The following DNASE1 variants were observed in gnomAD, a reference collection of about 807,000 sequenced individuals.
DNASE1 encodes the protein deoxyribonuclease-1.
A neutral mutation model predicts 33.9 loss-of-function variants in DNASE1; 40 were observed. The observed-to-expected ratio is 1.18, with a 90% CI of 0.92 to 1.54. The LOEUF (loss-of-function observed/expected upper bound fraction) is 1.54, where lower values mean the gene tolerates loss of function less well. DNASE1 is among the 40% of genes most tolerant of loss of function. The pLI, the probability that DNASE1 is intolerant of heterozygous loss-of-function variation, is 0.00. For missense variants in DNASE1, 518 were observed against 372.6 expected (o/e 1.39, Z -3.21); for synonymous variants, 216 against 160.0 (o/e 1.35, Z -2.64).
chr16:3,622,432 T>A (rs1390966268), intron 1 of DNASE1, among the ~76,000 whole-genome samples: 1 of 152,216 alleles, frequency 6.6e-6, no homozygotes, highest in Non-Finnish European at 1.5e-5. Context: ...CTTGTTTACC[T>A]ATGACCTTAT....
rs375948455 is a variant in DNASE1, at chr16:3,664,378, G to A, written c.*6425G>A. 52 of 1,612,572 alleles carry A rather than the reference G, an allele frequency of 3.2e-5. 1 individual carries two copies. The highest frequency in any genetic ancestry group is 3.3e-4 in the Middle Eastern group (2 of 6,074). ...ATGTTGCGGGTGCCGGCCCGCATGC[G>A]GCTGGCGTATTCTGAGAGGCTGGTT... is the stretch of plus-strand genomic sequence containing the variant. On this transcript the variant is annotated 3_prime_UTR_variant, in exon 10 of 10. Coordinates refer to the DNASE1 transcript ENST00000407479.
At chr16:3,655,268 C>G in intron 1 of DNASE1, 105 bp from the exon 2 acceptor site, 2 of 1,526,256 alleles carry the variant, frequency 1.3e-6, no homozygotes, top group Non-Finnish European at 8.9e-7. Flanking sequence ...TCCCCCTGAC[C>G]TTGAGCTCCA....
chr16:3,653,441 C>G (rs545594337), upstream of DNASE1: 82 of 152,244 alleles, frequency 5.4e-4, no homozygotes, highest in African/African-American at 1.9e-3. Context: ...GGTGCGGTGG[C>G]TCACACTTGT....
At chr16:3,663,262 G>A (rs1324712482) in exon 10 of DNASE1, 22 of 909,910 alleles carry the variant, frequency 2.4e-5, no homozygotes, top group Non-Finnish European at 3.2e-5. Context: ...AAACCAGGAG[G>A]CACCTTCCTC....
intron 1 of DNASE1, among the ~76,000 whole-genome samples, chr16:3,619,896 A>C (rs75361547): frequency 0.055 from 8,313 of 151,836 alleles, 275 homozygotes; most frequent in Admixed American, 0.074. Flanking sequence ...AATATAACGA[A>C]AATTCATATG....
chr16:3,641,760 C>T (rs1394691961), upstream of DNASE1, among the ~76,000 whole-genome samples: 1 of 152,146 alleles, frequency 6.6e-6, no homozygotes, highest in African/African-American at 2.4e-5. Context: ...CCATGGCCTC[C>T]CACACCCTGG....
Position 3,657,037 on chromosome 16 carries a change from C to A in DNASE1, c.475C>A (p.Pro159Thr). 1 of 1,613,696 alleles carries A rather than the reference C, an allele frequency of 6.2e-7. No homozygotes were observed. The change falls in exon 6 of 9, where the codon CCG (proline) becomes ACG (threonine). Residue 159 changes from proline to threonine, a missense_variant. Coordinates refer to ENST00000246949, the MANE Select transcript of DNASE1 (RefSeq NM_005223.4). ...EFAIVPLHAA[P>T]GDAVAEIDAL... ...TGCCATTGTTCCCCTGCATGCGGCC[C>A]CGGGGGACGCAGTAGCCGAGATCGA...
intron 1 of DNASE1, among the ~76,000 whole-genome samples, chr16:3,619,257 A>G (rs560730349): frequency 6.6e-6 from 1 of 152,278 alleles, no homozygotes; most frequent in Non-Finnish European, 1.5e-5. Context: ...GCTGATCTCA[A>G]ACTCCTGCGC....
At chr16:3,629,952 T>C (rs1203380895) in intron 1 of DNASE1, among the ~76,000 whole-genome samples, 2 of 152,106 alleles carry the variant, frequency 1.3e-5, no homozygotes, top group African/African-American at 4.8e-5. Context: ...TAGCTGGGGC[T>C]ACAGGCACCC....
At chr16:3,626,175 A>C (rs368865772) in intron 1 of DNASE1, among the ~76,000 whole-genome samples, 4 of 152,248 alleles carry the variant, frequency 2.6e-5, no homozygotes, top group South Asian at 4.2e-4. Context: ...GCACAATGAC[A>C]AAGGATTAAT....
At position 3,619,148 on chromosome 16, in the gene DNASE1, C is replaced by T. The variant is rs2041212156; in HGVS notation, c.-1359+7142C>T. 5.3e-5 allele frequency among the ~76,000 whole-genome samples: 8 copies of T among 152,148 alleles called. No individual in the cohort carries two copies. In the South Asian group the frequency reaches 1.5e-3, roughly 28 times the overall value. On this transcript the variant is annotated intron_variant and NMD_transcript_variant, in intron 1 of 11. Transcript: ENST00000570769. ...ATCCCAGGCTCAAGTGATCCTCCTG[C>T]CTCAGCCTCCCTAGTAGCTGGGACT...
chr16:3,664,041 C>T lies in DNASE1; in HGVS notation c.*6088C>T, dbSNP rs1043318065. The T allele has an allele frequency of 4.6e-5, 22 of 475,714 alleles. No homozygotes were observed. The Middle Eastern group carries it at 5.1e-3, about 110-fold the overall frequency. The allele number at this position is 475,714 out of a possible 1,614,324, so 29.5% of individuals were successfully genotyped here. A position where few individuals can be genotyped will look rare whatever the true frequency, so the allele number is the denominator to read the frequency against. ...TCGCACCACTGCACTCTAGCCTGGG[C>T]GAGAGAGCAAGACTCCATCTCAAAA... On this transcript the variant is annotated 3_prime_UTR_variant, in exon 10 of 10. Transcript: ENST00000407479.
Position 3,657,776 on chromosome 16 carries a change from C to A in DNASE1, c.761C>A (p.Pro254His). The A allele has an allele frequency of 1.9e-6, 3 of 1,614,052 alleles. No individual in the cohort carries two copies. Among genetic ancestry groups the A allele is most frequent in the Non-Finnish European group, 2.5e-6 (3 of 1,179,984 alleles). Residue 254 changes from proline (P) to histidine (H), a missense_variant, in exon 8 of 9, where the codon CCC (proline) becomes CAC (histidine). Pro to His is a moderately conservative substitution (Grantham distance 77). Transcript: ENST00000246949. Reference sequence around the variant, plus strand: ...GCCGTTGTTCCCGACTCGGCTCTTCCCTTTAACTTCCAGGCTGCCTATGGC... The same window carrying A: ...GCCGTTGTTCCCGACTCGGCTCTTCACTTTAACTTCCAGGCTGCCTATGGC... Reference protein sequence around the residue: ...RGAVVPDSALPFNFQAAYGLS... With the variant: ...RGAVVPDSALHFNFQAAYGLS...
chr16:3,657,650 G>C, intron 7 of DNASE1, 70 bp from the exon 8 acceptor site: 1 of 1,592,720 alleles, frequency 6.3e-7, no homozygotes. Flanking sequence ...TCTTAGTTTA[G>C]TTCCTGCGGG....
upstream of DNASE1, chr16:3,640,567 G>C: frequency 2.5e-6 from 1 of 396,594 alleles, no homozygotes. Flanking sequence ...TTTTCCAGGT[G>C]TTCAGGGTTC....
intron 8 of DNASE1, 33 bp from the exon 9 acceptor site, chr16:3,657,873 C>G: frequency 1.2e-6 from 2 of 1,614,028 alleles, no homozygotes; most frequent in Non-Finnish European, 1.7e-6. Context: ...CTCAGGTAGG[C>G]TCAGCCCAGA....
chr16:3,662,135 G>C (rs372686543), downstream of DNASE1: 112 of 1,610,734 alleles, frequency 7.0e-5, 1 homozygote, highest in African/African-American at 1.4e-3. Context: ...AGGGTCACCT[G>C]TGAGCAAAGC....
At chr16:3,664,324 G>C (rs765994343) in exon 10 of DNASE1, 2 of 1,612,478 alleles carry the variant, frequency 1.2e-6, no homozygotes, top group Non-Finnish European at 1.7e-6. Flanking sequence ...TGCTCTGCCA[G>C]GTGACGGTTG....
At position 3,657,212 on chromosome 16, in the gene DNASE1, A is replaced by G. The variant is rs146236198; in HGVS notation, c.575A>G (p.Asn192Ser). Residue 192 changes from asparagine to serine, a missense_variant, in exon 7 of 9, where the codon AAT becomes AGT. Transcript: ENST00000246949. ...GACGTCATGTTGATGGGCGACTTCAATGCGGGCTGCAGCTATGTGAGACCC... is the reference window on the plus strand; with the variant it reads ...GACGTCATGTTGATGGGCGACTTCAGTGCGGGCTGCAGCTATGTGAGACCC... ...LEDVMLMGDFNAGCSYVRPSQ... is the reference protein window; with the variant it reads ...LEDVMLMGDFSAGCSYVRPSQ... 75 of 1,613,928 alleles carry G rather than the reference A, an allele frequency of 4.6e-5. No individual in the cohort carries two copies. The highest frequency in any genetic ancestry group is 5.5e-5 in the Non-Finnish European group (65 of 1,180,006).
Sources: gnomAD v4.1 joint callset for allele counts (sites outside exome capture counted in the v4.1 genomes callset) on GRCh38, gnomAD v4.1.1 for gene constraint, MANE v1.5 for transcripts, NCBI Gene and HGNC (gene_info 2026-07-23, HGNC 2026-07-21) for gene names.